DRC11: variants seen among roughly 807,000 people sequenced by gnomAD.
DRC11 encodes IQ and AAA domain-containing protein 1.
At chr2:236,365,683 G>A in the DRC11 span, among the ~76,000 whole-genome samples, 6 of 152,066 alleles carry the variant, frequency 3.9e-5, no homozygotes, top group African/African-American at 1.4e-4. The surrounding 1 kb of genome is among the most constrained non-coding windows in gnomAD (Gnocchi z 7.4). Context: ...ACAGGCAGTG[G>A]CCTTCCAGAG....
the DRC11 span, among the ~76,000 whole-genome samples, chr2:236,357,862 T>C: frequency 2.6e-4 from 32 of 124,906 alleles, no homozygotes; most frequent in African/African-American, 1.0e-3. Context: ...AAATATATAC[T>C]ATATAAATAT....
At chr2:236,333,558 AGCTGAAGTTGACATCCCAG>A in the DRC11 span, among the ~76,000 whole-genome samples, 1 of 152,184 alleles carries the variant, frequency 6.6e-6, no homozygotes, top group Admixed American at 6.5e-5. The surrounding 1 kb of genome is among the most constrained non-coding windows in gnomAD (Gnocchi z 6.0). Context: ...AGGCCCCAAA[AGCTGAAGTTGACATCCCAG>A]GCTGGGTTTC....
the DRC11 span, among the ~76,000 whole-genome samples, chr2:236,422,731 C>T: frequency 4.6e-5 from 7 of 152,248 alleles, no homozygotes; most frequent in South Asian, 1.5e-3. Context: ...CAAAAAGGAG[C>T]CCGCATTGCC....
the DRC11 span, among the ~76,000 whole-genome samples, chr2:236,336,441 ACCACCACTG>A: frequency 5.3e-5 from 8 of 150,220 alleles, no homozygotes; most frequent in Non-Finnish European, 4.4e-5. The surrounding 1 kb of genome is among the most constrained non-coding windows in gnomAD (Gnocchi z 7.3). Context: ...CACCACGGCC[ACCACCACTG>A]CCACCACGGC....
chr2:236,318,002 ACGGTG>A, the DRC11 span, among the ~76,000 whole-genome samples: 1 of 152,212 alleles, frequency 6.6e-6, no homozygotes, highest in Non-Finnish European at 1.5e-5. The surrounding 1 kb of genome is among the most constrained non-coding windows in gnomAD (Gnocchi z 7.0). Context: ...CACCGGTCTC[ACGGTG>A]CGGTGTAGGG....
At chr2:236,389,100 T>C in the DRC11 span, among the ~76,000 whole-genome samples, 4 of 152,210 alleles carry the variant, frequency 2.6e-5, no homozygotes, top group Non-Finnish European at 5.9e-5. Flanking sequence ...CTGCAGAGGT[T>C]ACTGCTGTCT....
At chr2:236,460,678 C>T in the DRC11 span, among the ~76,000 whole-genome samples, 4 of 152,158 alleles carry the variant, frequency 2.6e-5, no homozygotes, top group African/African-American at 4.8e-5. The surrounding 1 kb of genome is among the most constrained non-coding windows in gnomAD (Gnocchi z 4.0). Flanking sequence ...ACCACTCTAG[C>T]GGCTAGAAGT....
chr2:236,380,609 C>G, the DRC11 span: 1 of 1,551,524 alleles, frequency 6.4e-7, no homozygotes, highest in East Asian at 2.4e-5. This position sits in a 1 kb window ranked among gnomAD's most constrained non-coding sequence, Gnocchi z 4.9. Flanking sequence ...GCCTTCTTCT[C>G]TTTCTTTTTG....
At chr2:236,459,661 ATACG>A in the DRC11 span, among the ~76,000 whole-genome samples, 1 of 107,336 alleles carries the variant, frequency 9.3e-6, no homozygotes, top group Non-Finnish European at 2.2e-5. Context: ...ATGTATATAC[ATACG>A]TATATACGTA....
chr2:236,328,550 C>T, the DRC11 span, among the ~76,000 whole-genome samples: 1 of 152,034 alleles, frequency 6.6e-6, no homozygotes, highest in Non-Finnish European at 1.5e-5. This position sits in a 1 kb window ranked among gnomAD's most constrained non-coding sequence, Gnocchi z 6.7. Context: ...CCTCTCCTTG[C>T]CTTTCTGTTT....
the DRC11 span, among the ~76,000 whole-genome samples, chr2:236,460,006 T>C: frequency 1.3e-5 from 2 of 152,182 alleles, no homozygotes; most frequent in African/African-American, 4.8e-5. This position sits in a 1 kb window ranked among gnomAD's most constrained non-coding sequence, Gnocchi z 4.0. Context: ...GCCATCATTG[T>C]GTGTCCTATT....
the DRC11 span, chr2:236,338,317 C>A: frequency 6.2e-7 from 1 of 1,613,936 alleles, no homozygotes; most frequent in Non-Finnish European, 8.5e-7. Context: ...CAATCAGAAT[C>A]CGGTCATCTG....
the DRC11 span, among the ~76,000 whole-genome samples, chr2:236,363,567 T>C: frequency 2.0e-5 from 3 of 152,144 alleles, no homozygotes; most frequent in Non-Finnish European, 4.4e-5. The surrounding 1 kb of genome is among the most constrained non-coding windows in gnomAD (Gnocchi z 5.6). Flanking sequence ...GGGAGGGTGA[T>C]TGGGATGGCA....
At chr2:236,453,931 C>T in the DRC11 span, among the ~76,000 whole-genome samples, 5 of 152,168 alleles carry the variant, frequency 3.3e-5, no homozygotes, top group East Asian at 3.9e-4. This position sits in a 1 kb window ranked among gnomAD's most constrained non-coding sequence, Gnocchi z 4.9. Context: ...CATGAGCCAC[C>T]GTGCCCGGCC....
At chr2:236,495,436 G>GTCCATGATGCGTTTCATGTCCA in the DRC11 span, among the ~76,000 whole-genome samples, 4 of 152,220 alleles carry the variant, frequency 2.6e-5, no homozygotes, top group African/African-American at 9.7e-5. This position sits in a 1 kb window ranked among gnomAD's most constrained non-coding sequence, Gnocchi z 5.6. Context: ...CTCCATCTAT[G>GTCCATGATGCGTTTCATGTCCA]TCCATGATGC....
At chr2:236,502,548 C>CA in the DRC11 span, among the ~76,000 whole-genome samples, 1,583 of 15,004 alleles carry the variant, frequency 0.11, 567 homozygotes, top group Non-Finnish European at 0.28. Context: ...TGCACTCCAG[C>CA]AAAAAAAAAA....
the DRC11 span, among the ~76,000 whole-genome samples, chr2:236,336,125 G>C: frequency 6.6e-6 from 1 of 152,130 alleles, no homozygotes; most frequent in African/African-American, 2.4e-5. This position sits in a 1 kb window ranked among gnomAD's most constrained non-coding sequence, Gnocchi z 7.3. Context: ...GAAATAGCTG[G>C]GCCTAAAGTG....
the DRC11 span, chr2:236,338,192 T>G: frequency 6.2e-7 from 1 of 1,611,644 alleles, no homozygotes; most frequent in Non-Finnish European, 8.5e-7. Context: ...GGGAAGGGGC[T>G]GGGGGTACTT....
At chr2:236,356,970 T>C in the DRC11 span, among the ~76,000 whole-genome samples, 1 of 81,614 alleles carries the variant, frequency 1.2e-5, no homozygotes, top group East Asian at 3.1e-4. Flanking sequence ...ATATATATAT[T>C]ATATATTCAT....
Sources: allele counts gnomAD v4.1 joint callset (sites outside exome capture counted in the v4.1 genomes callset), GRCh38; gene constraint gnomAD v4.1.1; non-coding constraint Gnocchi (gnomAD v3.1); transcripts MANE v1.5; gene names NCBI Gene and HGNC (gene_info 2026-07-23, HGNC 2026-07-21).